TSPEAR: variants seen among roughly 807,000 people sequenced by gnomAD.
TSPEAR encodes the protein thrombospondin-type laminin G domain and EAR repeat-containing protein.
TSPEAR carries 69 observed loss-of-function variants against 71.6 expected under a neutral mutation model. That is an observed-to-expected ratio of 0.96 (90% CI 0.79 to 1.18). The LOEUF (loss-of-function observed/expected upper bound fraction) is 1.18. Ranked by LOEUF, TSPEAR falls within the 50% of genes most tolerant of loss-of-function variation. The pLI, the probability that TSPEAR is intolerant of heterozygous loss-of-function variation, is 0.00. For missense variants in TSPEAR, 971 were observed against 894.9 expected (o/e 1.09, Z -1.09); for synonymous variants, 402 against 387.2 (o/e 1.04, Z -0.45).
At chr21:44,614,048 C>T (rs938818425) in intron 1 of TSPEAR, among the ~76,000 whole-genome samples, 1 of 152,290 alleles carries the variant, frequency 6.6e-6, no homozygotes, top group African/African-American at 2.4e-5. Context: ...CCCATCCTGC[C>T]GTAGGTCCCT....
intron 2 of TSPEAR, among the ~76,000 whole-genome samples, chr21:44,554,030 G>A (rs1300458526): frequency 2.6e-5 from 4 of 152,180 alleles, no homozygotes; most frequent in Non-Finnish European, 5.9e-5. Flanking sequence ...AATGCTTAAG[G>A]AAATATGACA....
intron 1 of TSPEAR, chr21:44,647,024 G>A (rs782238984): frequency 2.5e-6 from 4 of 1,612,628 alleles, no homozygotes; most frequent in African/African-American, 1.3e-5. Context: ...CAGGCCTGCT[G>A]CGTGCCTGTC....
intron 1 of TSPEAR, among the ~76,000 whole-genome samples, chr21:44,581,964 G>A (rs587716116): frequency 6.6e-6 from 1 of 152,274 alleles, no homozygotes; most frequent in Admixed American, 6.5e-5. Context: ...GGATTTTAAA[G>A]AGCCTCCCTT....
chr21:44,646,587 G>A (rs1555939846), intron 1 of TSPEAR: 3 of 1,612,476 alleles, frequency 1.9e-6, no homozygotes, highest in East Asian at 2.2e-5. Context: ...CCCCCTCCCT[G>A]AGCCTGGTCT....
intron 1 of TSPEAR, among the ~76,000 whole-genome samples, chr21:44,599,760 G>A (rs782336193): frequency 2.0e-5 from 3 of 152,224 alleles, no homozygotes; most frequent in Non-Finnish European, 1.5e-5. Flanking sequence ...TAGATCAGAT[G>A]TCTAGCTGGG....
intron 1 of TSPEAR, chr21:44,601,448 G>A (rs782722530): frequency 2.5e-6 from 4 of 1,611,366 alleles, no homozygotes; most frequent in Non-Finnish European, 3.4e-6. Context: ...CCTGTGTGCT[G>A]TGTGCCCGTC....
chr21:44,612,300 C>A lies in TSPEAR; in HGVS notation c.83-44295G>T. 1 of 1,613,502 alleles carries A rather than the reference C, an allele frequency of 6.2e-7. No homozygotes were observed. On this transcript the variant is annotated intron_variant, in intron 1 of 11. Coordinates refer to ENST00000323084, the MANE Select transcript of TSPEAR (RefSeq NM_144991.3). The surrounding 1 kb of genome is among the most constrained non-coding windows in gnomAD (Gnocchi z 4.1). ...AGCTGCTGTACCCCTAGCTGCTGTG[C>A]CCCAGCCCCCTGCCTGGCCCTGGTC... is the stretch of plus-strand genomic sequence containing the variant.
At chr21:44,590,094 G>A (rs1473509333) in intron 1 of TSPEAR, among the ~76,000 whole-genome samples, 1 of 152,228 alleles carries the variant, frequency 6.6e-6, no homozygotes, top group Admixed American at 6.5e-5. Context: ...TGAGCGAGGC[G>A]GCTGTGCTGA....
At position 44,629,105 on chromosome 21, in the gene TSPEAR, C is replaced by T. The variant is rs587688764; in HGVS notation, c.83-61100G>A. Among the ~76,000 whole-genome samples the T allele has an allele frequency of 2.4e-4, 36 of 152,242 alleles. 1 individual carries two copies. In the East Asian group the frequency reaches 7.0e-3, roughly 29 times the overall value. On this transcript the variant is annotated intron_variant, in intron 1 of 11. Transcript: ENST00000323084. ...GGCAGATGGCCAGAGCCACACTGTC[C>T]CCTCCAGTCCTCACCCACACCCCCC...
chr21:44,640,402 G>A (rs1382437655), intron 1 of TSPEAR, among the ~76,000 whole-genome samples: 3 of 152,234 alleles, frequency 2.0e-5, no homozygotes, highest in Non-Finnish European at 4.4e-5. Context: ...GGCTCATGAG[G>A]AGTGACTGCT....
intron 10 of TSPEAR, 54 bp downstream of exon 10, chr21:44,509,145 T>C (rs1422168371): frequency 6.4e-7 from 1 of 1,568,076 alleles, no homozygotes; most frequent in African/African-American, 1.3e-5. Context: ...GATTCCGACA[T>C]GGTGGGCCTC....
Position 44,628,947 on chromosome 21 carries a change from G to A in TSPEAR, c.83-60942C>T, listed in dbSNP as rs1373759078. Among the ~76,000 whole-genome samples, 4 of 116,956 alleles carry A rather than the reference G, an allele frequency of 3.4e-5. 1 individual carries two copies. 76.7% of individuals were successfully genotyped at this position (116,956 alleles called of 152,430 possible). On this transcript the variant is annotated intron_variant, in intron 1 of 11. Coordinates refer to ENST00000323084, the MANE Select transcript of TSPEAR (RefSeq NM_144991.3). ...CCTGTGCTGGGCTGGGTGGGTGGAG[G>A]GCCGGTGGGAACAGGAAGGTCTCAG...
rs1336595468 is a variant in TSPEAR, at chr21:44,612,828, C to T, written c.83-44823G>A. On this transcript the variant is annotated intron_variant, in intron 1 of 11. Transcript: ENST00000323084. This position sits in a 1 kb window ranked among gnomAD's most constrained non-coding sequence, Gnocchi z 4.1. Reference sequence around the variant, plus strand: ...TGCCAGCCCAGCTGCTGCCACCCGGCCTCCTGCCTGTCCTTCCTCTGCCGC... The same window carrying T: ...TGCCAGCCCAGCTGCTGCCACCCGGTCTCCTGCCTGTCCTTCCTCTGCCGC... 6.2e-7 allele frequency: 1 copy of T among 1,612,916 alleles called. No individual in the cohort carries two copies. Among genetic ancestry groups the T allele is most frequent in the Non-Finnish European group, 8.5e-7 (1 of 1,179,818 alleles).
intron 1 of TSPEAR, among the ~76,000 whole-genome samples, chr21:44,656,691 G>A (rs1375162467): frequency 2.0e-5 from 3 of 152,056 alleles, no homozygotes; most frequent in Non-Finnish European, 2.9e-5. Context: ...AGATTCTTGG[G>A]TCTGTAAGTT....
chr21:44,645,060 T>A (rs148693179), intron 1 of TSPEAR, among the ~76,000 whole-genome samples: 2 of 152,284 alleles, frequency 1.3e-5, no homozygotes, highest in African/African-American at 2.4e-5. Flanking sequence ...AAACCAGAAT[T>A]TTATACCCAG....
At position 44,628,400 on chromosome 21, in the gene TSPEAR, C is replaced by T. The variant is rs587723323; in HGVS notation, c.83-60395G>A. 2.8e-4 allele frequency: 91 copies of T among 323,694 alleles called. 1 individual carries two copies. In the South Asian group the frequency reaches 3.0e-3, roughly 11 times the overall value. The allele number at this position is 323,694 out of a possible 1,614,324, so 20.1% of individuals were successfully genotyped here. A position where few individuals can be genotyped will look rare whatever the true frequency, so the allele number is the denominator to read the frequency against. On this transcript the variant is annotated intron_variant, in intron 1 of 11. Coordinates refer to ENST00000323084, the MANE Select transcript of TSPEAR (RefSeq NM_144991.3). ...CCCAGCTGACTCCGTGCTGACTCTCCGCACCCAGGGCGGGAGGGGGCAGAG... is the reference window on the plus strand; with the variant it reads ...CCCAGCTGACTCCGTGCTGACTCTCTGCACCCAGGGCGGGAGGGGGCAGAG...
intron 1 of TSPEAR, among the ~76,000 whole-genome samples, chr21:44,655,269 ACTG>A (rs1985076825): frequency 1.3e-5 from 2 of 152,096 alleles, no homozygotes; most frequent in African/African-American, 2.4e-5. Context: ...AGGGATCTGG[ACTG>A]CTTAGTTTCA....
At chr21:44,536,777 A>T (rs1438267137) in intron 2 of TSPEAR, among the ~76,000 whole-genome samples, 1 of 152,226 alleles carries the variant, frequency 6.6e-6, no homozygotes, top group Non-Finnish European at 1.5e-5. Context: ...GCTCATCTAC[A>T]TAGAAAAATC....
intron 2 of TSPEAR, among the ~76,000 whole-genome samples, chr21:44,552,088 G>A (rs2053451325): frequency 6.6e-6 from 1 of 152,230 alleles, no homozygotes; most frequent in Non-Finnish European, 1.5e-5. Flanking sequence ...CAGCTCATTA[G>A]GAGGACAAGG....
Sources: allele counts gnomAD v4.1 joint callset (sites outside exome capture counted in the v4.1 genomes callset), GRCh38; gene constraint gnomAD v4.1.1; non-coding constraint Gnocchi (gnomAD v3.1); transcripts MANE v1.5; gene names NCBI Gene and HGNC (gene_info 2026-07-23, HGNC 2026-07-21).